The following RNF146 variants were observed in gnomAD, a reference collection of about 807,000 sequenced individuals.
The protein encoded by RNF146 is ring finger protein 146.
RNF146 carries 11 observed loss-of-function variants against 29.7 expected under a neutral mutation model. That is an observed-to-expected ratio of 0.37 (90% CI 0.23 to 0.61). The LOEUF (loss-of-function observed/expected upper bound fraction) is 0.61. RNF146 is among the 20% of genes least tolerant of loss of function. The pLI is 0.66. For missense variants in RNF146, 342 were observed against 438.9 expected (o/e 0.78, Z 1.97); for synonymous variants, 150 against 159.7 (o/e 0.94, Z 0.46).
chr6:127,284,362 G>A (rs1251067017), intron 2 of RNF146, among the ~76,000 whole-genome samples: 1 of 151,828 alleles, frequency 6.6e-6, no homozygotes, highest in South Asian at 2.1e-4. Context: ...AAGTAATGGT[G>A]GTCATCAGCC....
At chr6:127,266,804 T>C, upstream of RNF146, 1 of 150,838 alleles carries the variant, frequency 6.6e-6, no homozygotes, top group Middle Eastern at 3.4e-3. Context: ...GCGCGGCGCG[T>C]CGCGGCCCCT....
chr6:127,275,894 A>G (rs2114454162), intron 1 of RNF146, among the ~76,000 whole-genome samples: 1 of 152,158 alleles, frequency 6.6e-6, no homozygotes, highest in Admixed American at 6.5e-5. Context: ...AAGACTAGAG[A>G]CTAATTATTT....
chr6:127,275,385 T>C (rs1012299932), intron 1 of RNF146, among the ~76,000 whole-genome samples: 24 of 152,288 alleles, frequency 1.6e-4, no homozygotes, highest in African/African-American at 5.1e-4. Flanking sequence ...AGATTCCAGC[T>C]TGAGTTCACA....
chr6:127,269,765 C>A (rs1235137408), intron 1 of RNF146, among the ~76,000 whole-genome samples: 1 of 152,134 alleles, frequency 6.6e-6, no homozygotes, highest in Non-Finnish European at 1.5e-5. Flanking sequence ...TGCTAACTCA[C>A]ACCTGATTTA....
chr6:127,268,384 A>G (rs1776969203), intron 1 of RNF146, among the ~76,000 whole-genome samples: 1 of 152,244 alleles, frequency 6.6e-6, no homozygotes, highest in African/African-American at 2.4e-5. Flanking sequence ...CACAGATAAC[A>G]GGATTTGTGA....
chr6:127,284,759 C>T (rs369159391), intron 2 of RNF146, among the ~76,000 whole-genome samples: 76 of 152,022 alleles, frequency 5.0e-4, no homozygotes, highest in African/African-American at 1.6e-3. Flanking sequence ...CATACTAAGA[C>T]GTCCTATTAG....
intron 1 of RNF146, among the ~76,000 whole-genome samples, chr6:127,270,853 G>A (rs1777372923): frequency 6.8e-6 from 1 of 147,816 alleles, no homozygotes. Context: ...GTCTTGCTCT[G>A]TCATTAGGCT....
chr6:127,280,450 G>T, intron 2 of RNF146, 110 bp downstream of exon 2: 1 of 1,369,766 alleles, frequency 7.3e-7, no homozygotes, highest in Non-Finnish European at 9.7e-7. Context: ...TATTAAATGA[G>T]CATTTTCTTT....
In RNF146 at chr6:127,287,451, G is replaced by C. The variant is rs1200762343; in HGVS notation, c.838G>C (p.Ala280Pro). 3 of 1,613,316 alleles carry C rather than the reference G, an allele frequency of 1.9e-6. No homozygotes were observed. In the African/African-American group the frequency reaches 4.0e-5, roughly 22 times the overall value. The change falls in exon 3 of 3, where the codon GCA (alanine) becomes CCA (proline). Residue 280 changes from alanine (A) to proline (P), a missense_variant. By Grantham distance (27) the Ala-to-Pro change is conservative (BLOSUM62 -1). Coordinates refer to ENST00000368314, the MANE Select transcript of RNF146 (RefSeq NM_001242850.2). ...ATCACCATCTTCAGGCAGGGTACCA[G>C]CACCAGACACCTCCATTGAAGAAAC... ...HESPSSGRVPAPDTSIEETES... is the reference protein window; with the variant it reads ...HESPSSGRVPPPDTSIEETES...
intron 2 of RNF146, chr6:127,280,868 C>T (rs1165429146): frequency 1.3e-5 from 2 of 151,804 alleles, no homozygotes; most frequent in Admixed American, 6.6e-5. Context: ...GCATGATATG[C>T]TTTAAAGTGT....
Position 127,286,478 on chromosome 6 carries a change from T to C in RNF146, c.3-138T>C. 2.3e-6 allele frequency: 2 copies of C among 879,324 alleles called. No homozygotes were observed. Among genetic ancestry groups the C allele is most frequent in the Non-Finnish European group, 3.4e-6 (2 of 593,428 alleles). 54.5% of individuals were successfully genotyped at this position (879,324 alleles called of 1,614,324 possible). Reference sequence around the variant, plus strand: ...CGGTTGGAGAGTTTTTCCTCTACTTTCATCTTCATATCCCCATTGTCTAGT... The same window carrying C: ...CGGTTGGAGAGTTTTTCCTCTACTTCCATCTTCATATCCCCATTGTCTAGT... On this transcript the variant is annotated intron_variant, in intron 2 of 2. Transcript: ENST00000368314. The surrounding 1 kb of genome is among the most constrained non-coding windows in gnomAD (Gnocchi z 4.6).
intron 1 of RNF146, among the ~76,000 whole-genome samples, chr6:127,270,272 CTG>C (rs998993721): frequency 2.0e-5 from 3 of 152,124 alleles, no homozygotes; most frequent in East Asian, 1.9e-4. Flanking sequence ...TTACCTGTCA[CTG>C]TTTTTTTCCT....
rs147312849 is a variant in RNF146 at position 127,268,052 on chromosome 6, T to TAGAAA, written c.-109+1127_-109+1128insAGAAA. On this transcript the variant is annotated intron_variant, in intron 1 of 2. Transcript: ENST00000368314. ...TTAATTTATTTTCTCTAAGTGCCAT[T>TAGAAA]TTAGTGAGCACTTATTTCTCAAGTT... Among the ~76,000 whole-genome samples the TAGAAA allele has an allele frequency of 1.4e-4, 21 of 152,312 alleles. No homozygotes were observed. In the South Asian group the frequency reaches 1.9e-3, roughly 14 times the overall value.
chr6:127,270,612 C>G (rs950078117), intron 1 of RNF146, among the ~76,000 whole-genome samples: 1 of 152,032 alleles, frequency 6.6e-6, no homozygotes, highest in Non-Finnish European at 1.5e-5. Flanking sequence ...CATGTATGCC[C>G]TATTTTGTGC....
At chr6:127,285,450 C>T (rs1469178047) in intron 2 of RNF146, 1 of 426,006 alleles carries the variant, frequency 2.3e-6, no homozygotes, top group Non-Finnish European at 3.1e-6. Context: ...CTTTCAATCT[C>T]TGACATCTTC....
intron 2 of RNF146, among the ~76,000 whole-genome samples, chr6:127,282,955 C>G (rs370479173): frequency 6.6e-6 from 1 of 151,716 alleles, no homozygotes; most frequent in East Asian, 1.9e-4. Flanking sequence ...GTTTTTATTG[C>G]AAGCTAAAAA....
intron 2 of RNF146, among the ~76,000 whole-genome samples, chr6:127,282,844 C>A (rs779999931): frequency 2.0e-5 from 3 of 151,656 alleles, no homozygotes; most frequent in Non-Finnish European, 4.4e-5. Context: ...TCATAGAAAT[C>A]CTTAAGCCCC....
rs1013617282 is a variant in RNF146, at chr6:127,280,245, C to T, written c.-94C>T. The stretch of plus-strand genomic sequence containing the variant: ...TTCTTTTGCAGCACAAAGAATGAAC[C>T]AGCAGTGGAAGAGAAAATACTGTAA... On this transcript the variant is annotated 5_prime_UTR_variant, in exon 2 of 3. An upstream open reading frame in the 5' UTR gains an earlier in-frame stop. Coordinates refer to ENST00000368314, the MANE Select transcript of RNF146 (RefSeq NM_001242850.2). The T allele has an allele frequency of 1.8e-5, 22 of 1,197,178 alleles. No homozygotes were observed. The highest frequency in any genetic ancestry group is 3.0e-5 in the African/African-American group (2 of 65,638). The allele number at this position is 1,197,178 out of a possible 1,614,324, so 74.2% of individuals were successfully genotyped here.
chr6:127,280,976 C>G (rs1234183389), intron 2 of RNF146, among the ~76,000 whole-genome samples: 5 of 151,574 alleles, frequency 3.3e-5, no homozygotes, highest in African/African-American at 1.2e-4. Context: ...CATATAAGCC[C>G]TATGCAACTT....
Sources: allele counts gnomAD v4.1 joint callset (sites outside exome capture counted in the v4.1 genomes callset), GRCh38; gene constraint gnomAD v4.1.1; non-coding constraint Gnocchi (gnomAD v3.1); transcripts MANE v1.5; gene names NCBI Gene and HGNC (gene_info 2026-07-23, HGNC 2026-07-21).